Variants in GRIN2A observed in about 807,000 individuals in gnomAD.
GRIN2A encodes glutamate receptor ionotropic, NMDA 2A.
In GRIN2A, 22 loss-of-function variants were observed where a neutral mutation model predicts 113.4. The ratio of observed to expected loss-of-function variants is 0.19; its 90% CI spans 0.14 to 0.28. The LOEUF (loss-of-function observed/expected upper bound fraction) is 0.28, where lower values mean the gene tolerates loss of function less well. GRIN2A is among the 10% of genes least tolerant of loss of function. The pLI is 1.00. For synonymous variants in GRIN2A, 827 were observed against 738.4 expected, an observed-to-expected ratio of 1.12 and a Z score of -1.94; for missense variants, 1,502 against 1,887.0, an observed-to-expected ratio of 0.80 and a Z score of 3.78.
intron 2 of GRIN2A, among the ~76,000 whole-genome samples, chr16:10,143,974 AT>A (rs919651009): frequency 6.6e-5 from 10 of 151,154 alleles, no homozygotes; most frequent in East Asian, 5.8e-4. Context: ...TCAAAAAAAA[AT>A]TTTTTTTTTA....
rs1208195668 is a variant in GRIN2A at position 10,180,361 on chromosome 16, G to C, written c.51C>G (p.Val17=). The change falls in exon 2 of 13, where the codon GTC becomes GTG. Residue 17 remains valine (V), a synonymous_variant. Coordinates refer to ENST00000330684, the MANE Select transcript of GRIN2A (RefSeq NM_001134407.3). The surrounding 1 kb of genome is among the most constrained non-coding windows in gnomAD (Gnocchi z 7.0). ...WTLLVLPALL[V]WRGPAPSAAA... is the part of the protein sequence containing the mutation. ...CCGCGCTCGGCGCCGGACCGCGCCAGACCAGAAGGGCCGGCAGCACCAGCA... is the reference window on the plus strand; with the variant it reads ...CCGCGCTCGGCGCCGGACCGCGCCACACCAGAAGGGCCGGCAGCACCAGCA... 7 of 1,608,248 alleles carry C rather than the reference G, an allele frequency of 4.4e-6. No individual in the cohort carries two copies. The South Asian group carries it at 7.7e-5, about 18-fold the overall frequency.
intron 2 of GRIN2A, among the ~76,000 whole-genome samples, chr16:9,987,278 A>C (rs904724043): frequency 6.6e-6 from 1 of 152,232 alleles, no homozygotes; most frequent in African/African-American, 2.4e-5. Flanking sequence ...AGATGGCCTA[A>C]AGACTTTTTA....
At chr16:9,825,874 T>C (rs1249310417) in intron 9 of GRIN2A, among the ~76,000 whole-genome samples, 1 of 152,014 alleles carries the variant, frequency 6.6e-6, no homozygotes, top group Non-Finnish European at 1.5e-5. Flanking sequence ...ATTCCCTCCA[T>C]TGGTTGTCAC....
In GRIN2A at chr16:10,146,898, G is replaced by A. The variant is rs546787712; in HGVS notation, c.414+33100C>T. 7.9e-5 allele frequency among the ~76,000 whole-genome samples: 12 copies of A among 152,018 alleles called. No individual in the cohort carries two copies. In the South Asian group the frequency reaches 1.5e-3, roughly 18 times the overall value. On this transcript the variant is annotated intron_variant, in intron 2 of 12. Transcript: ENST00000330684. ...ATAGTCCAGAAGCCGCATGAGAAACGTCAGCTAAATGTAGCCACCCTCTTG... is the reference window on the plus strand; with the variant it reads ...ATAGTCCAGAAGCCGCATGAGAAACATCAGCTAAATGTAGCCACCCTCTTG...
intron 2 of GRIN2A, among the ~76,000 whole-genome samples, chr16:10,033,455 A>C (rs2046966882): frequency 6.6e-6 from 1 of 152,218 alleles, no homozygotes; most frequent in Admixed American, 6.5e-5. Context: ...AGCTACGATG[A>C]AAATAAACAG....
intron 8 of GRIN2A, among the ~76,000 whole-genome samples, chr16:9,831,640 C>T (rs532843874): frequency 5.3e-5 from 8 of 151,816 alleles, no homozygotes; most frequent in Admixed American, 2.6e-4. Context: ...GTCAGCCTCC[C>T]GAACTGCTGG....
intron 10 of GRIN2A, among the ~76,000 whole-genome samples, chr16:9,810,752 G>T (rs571203749): frequency 6.6e-6 from 1 of 152,324 alleles, no homozygotes; most frequent in South Asian, 2.1e-4. Context: ...ATAAAATTCT[G>T]TTGTTGCAAC....
In GRIN2A at chr16:9,949,567, A is replaced by AATGG. The variant is rs201232419; in HGVS notation, c.415-11020_415-11017dup. On this transcript the variant is annotated intron_variant, in intron 2 of 12. Coordinates refer to ENST00000330684, the MANE Select transcript of GRIN2A (RefSeq NM_001134407.3). ...GGTTGGGAGGATGAATGAATGAATG[A>AATGG]ATGGATGGATGAATGGATAGACGGA... Among the ~76,000 whole-genome samples the AATGG allele has an allele frequency of 4.2e-3, 640 of 151,676 alleles. 1 individual carries two copies. Among genetic ancestry groups the AATGG allele is most frequent in the Non-Finnish European group, 6.8e-3 (459 of 67,826 alleles).
chr16:10,143,342 A>C (rs917631143), intron 2 of GRIN2A, among the ~76,000 whole-genome samples: 3 of 152,140 alleles, frequency 2.0e-5, no homozygotes, highest in Admixed American at 6.5e-5. Context: ...GCAGGGATAC[A>C]TTTTCCTCTT....
chr16:9,952,542 T>C (rs550979582), intron 2 of GRIN2A, among the ~76,000 whole-genome samples: 124 of 152,300 alleles, frequency 8.1e-4, no homozygotes, highest in African/African-American at 2.7e-3. Flanking sequence ...CCTCTCTGGC[T>C]CACAATGAGA....
chr16:10,017,230 C>T (rs1300076895), intron 2 of GRIN2A, among the ~76,000 whole-genome samples: 1 of 152,158 alleles, frequency 6.6e-6, no homozygotes, highest in Non-Finnish European at 1.5e-5. Flanking sequence ...ATGAGGAATA[C>T]AGACAAAGAA....
chr16:10,004,987 T>C (rs2046381334), intron 2 of GRIN2A, among the ~76,000 whole-genome samples: 1 of 152,230 alleles, frequency 6.6e-6, no homozygotes, highest in Admixed American at 6.5e-5. Flanking sequence ...CATTATAAAT[T>C]AGATGCCCAT....
At chr16:10,148,152 C>T (rs762445273) in intron 2 of GRIN2A, among the ~76,000 whole-genome samples, 3 of 152,162 alleles carry the variant, frequency 2.0e-5, no homozygotes, top group Non-Finnish European at 4.4e-5. Flanking sequence ...CAAACTACAG[C>T]CTGTGAGCCA....
chr16:10,102,917 G>A (rs893521944), intron 2 of GRIN2A, among the ~76,000 whole-genome samples: 3 of 152,140 alleles, frequency 2.0e-5, no homozygotes, highest in Non-Finnish European at 2.9e-5. Context: ...TCTGAGAGAC[G>A]TATCCCACTC....
intron 2 of GRIN2A, chr16:10,031,367 C>A (rs1437547670): frequency 1.3e-5 from 2 of 152,232 alleles, no homozygotes; most frequent in African/African-American, 4.8e-5. Flanking sequence ...AGAGGTTTTT[C>A]CTGCCTAAAT....
intron 2 of GRIN2A, among the ~76,000 whole-genome samples, chr16:10,163,136 G>T (rs930389236): frequency 6.6e-6 from 1 of 152,162 alleles, no homozygotes; most frequent in Non-Finnish European, 1.5e-5. Flanking sequence ...GGAATTGTTT[G>T]GGAATCTCTT....
chr16:10,169,814 C>T (rs1440326389), intron 2 of GRIN2A, among the ~76,000 whole-genome samples: 1 of 152,192 alleles, frequency 6.6e-6, no homozygotes, highest in South Asian at 2.1e-4. Context: ...GGAGCTATCA[C>T]CTCCCTTGAT....
At chr16:9,947,899 G>C (rs1029077764) in intron 2 of GRIN2A, among the ~76,000 whole-genome samples, 1 of 152,064 alleles carries the variant, frequency 6.6e-6, no homozygotes, top group African/African-American at 2.4e-5. Context: ...TGAGAGCTGT[G>C]ATTATGGTGG....
At chr16:9,805,091 A>G (rs1445802235) in intron 10 of GRIN2A, among the ~76,000 whole-genome samples, 1 of 151,992 alleles carries the variant, frequency 6.6e-6, no homozygotes, top group Admixed American at 6.5e-5. Context: ...AATGGCCTTG[A>G]AAGTCCAATC....
Sources: gnomAD v4.1 joint callset for allele counts (sites outside exome capture counted in the v4.1 genomes callset) on GRCh38, gnomAD v4.1.1 for gene constraint, Gnocchi (gnomAD v3.1) non-coding constraint, MANE v1.5 for transcripts, NCBI Gene and HGNC (gene_info 2026-07-23, HGNC 2026-07-21) for gene names.